Variants in PEBP4 observed in about 807,000 individuals in gnomAD.
The protein encoded by PEBP4 is phosphatidylethanolamine-binding protein 4.
A neutral mutation model predicts 23.9 loss-of-function variants in PEBP4; 22 were observed. That is an observed-to-expected ratio of 0.92 (90% CI 0.66 to 1.31). The LOEUF (loss-of-function observed/expected upper bound fraction) is 1.31. Among genes scored for constraint, PEBP4 ranks in the 40% most tolerant of loss-of-function variants. The pLI is 0.00. For missense variants in PEBP4, 324 were observed against 281.7 expected (o/e 1.15, Z -1.07); for synonymous variants, 112 against 99.3 (o/e 1.13, Z -0.76).
intron 3 of PEBP4, among the ~76,000 whole-genome samples, chr8:22,825,187 C>A (rs1429745522): frequency 1.3e-5 from 2 of 152,196 alleles, no homozygotes; most frequent in African/African-American, 4.8e-5. Flanking sequence ...TGCTTGTTCA[C>A]CAAAGAAAGT....
intron 5 of PEBP4, 42 bp from the exon 6 acceptor site, chr8:22,724,998 T>C (rs1339738629): frequency 2.6e-6 from 4 of 1,528,224 alleles, no homozygotes; most frequent in Non-Finnish European, 3.6e-6. Context: ...CAACATCCCA[T>C]ACTACCGAGG....
chr8:22,782,465 C>A (rs998392854), intron 4 of PEBP4, among the ~76,000 whole-genome samples: 2 of 152,142 alleles, frequency 1.3e-5, no homozygotes, highest in African/African-American at 4.8e-5. Context: ...AATACCCGAC[C>A]CATCCATTAG....
At chr8:22,874,967 G>A (rs956277506) in intron 3 of PEBP4, among the ~76,000 whole-genome samples, 2 of 151,692 alleles carry the variant, frequency 1.3e-5, no homozygotes, top group Non-Finnish European at 2.9e-5. Context: ...GTCCATTGGG[G>A]CTTTAAGAAA....
In PEBP4 at chr8:22,927,622, G is replaced by C. The variant is rs377109138; in HGVS notation, c.93C>G (p.Ala31=). 6.2e-7 allele frequency: 1 copy of C among 1,613,422 alleles called. No homozygotes were observed. The highest frequency in any genetic ancestry group is 8.5e-7 in the Non-Finnish European group (1 of 1,179,650). Residue 31 remains alanine (A), a synonymous_variant, in exon 2 of 7, where the codon GCC becomes GCG. Transcript: ENST00000256404. ...TGDEDENSPC[A]HEALLDEDTL... ...TGTCCTCGTCCAAGAGGGCCTCATG[G>C]GCACACGGGCTGTTCTCATCCTCGT...
At chr8:22,824,439 C>T (rs1235916173) in intron 3 of PEBP4, among the ~76,000 whole-genome samples, 1 of 152,196 alleles carries the variant, frequency 6.6e-6, no homozygotes, top group African/African-American at 2.4e-5. Flanking sequence ...TAGGACAGCG[C>T]TCCCCAATAT....
At chr8:22,938,010 T>G (rs902299591) in intron 1 of PEBP4, among the ~76,000 whole-genome samples, 3 of 152,132 alleles carry the variant, frequency 2.0e-5, no homozygotes, top group Non-Finnish European at 4.4e-5. Flanking sequence ...AAAATCTTCA[T>G]GACATTGGAT....
At chr8:22,928,323 T>C (rs1533066), upstream of PEBP4, among the ~76,000 whole-genome samples, 149,389 of 152,262 alleles carry the variant, frequency 0.98, 73,357 homozygotes, top group Middle Eastern at 1. Flanking sequence ...GGGGTGGGGG[T>C]AGGTGCACCC....
chr8:22,771,823 C>G (rs554754785), intron 4 of PEBP4, among the ~76,000 whole-genome samples: 1 of 152,244 alleles, frequency 6.6e-6, no homozygotes, highest in African/African-American at 2.4e-5. Context: ...CACCCTTTCC[C>G]TAGAAACTTC....
chr8:22,727,470 G>A (rs1357410175), intron 4 of PEBP4, among the ~76,000 whole-genome samples: 1 of 152,110 alleles, frequency 6.6e-6, no homozygotes, highest in African/African-American at 2.4e-5. Context: ...ACAGACACAC[G>A]TATTGCTGAG....
At chr8:22,727,244 T>A (rs139585593) in intron 4 of PEBP4, 24 bp from the exon 5 acceptor site, 523 of 1,611,960 alleles carry the variant, frequency 3.2e-4, no homozygotes, top group Middle Eastern at 2.5e-3. Flanking sequence ...CAAGCAGGGC[T>A]GTAGGTTATG....
At position 22,761,003 on chromosome 8, in the gene PEBP4, T is replaced by C. The variant is rs536592807; in HGVS notation, c.358-33783A>G. 4.6e-5 allele frequency among the ~76,000 whole-genome samples: 7 copies of C among 152,304 alleles called. No individual in the cohort carries two copies. In the East Asian group the frequency reaches 1.3e-3, roughly 29 times the overall value. ...ACCTTGTGACTCTGTCATAGTAGCC[T>C]GACTTCCCAGAGGAAGCGAGCTCTA... On this transcript the variant is annotated intron_variant, in intron 4 of 6. Coordinates refer to ENST00000256404, the MANE Select transcript of PEBP4 (RefSeq NM_144962.3).
intron 3 of PEBP4, among the ~76,000 whole-genome samples, chr8:22,888,498 A>C (rs1449078078): frequency 6.6e-6 from 1 of 152,158 alleles, no homozygotes; most frequent in Non-Finnish European, 1.5e-5. Flanking sequence ...GGCCCCTGCT[A>C]TGAGGGTGGG....
chr8:22,871,306 T>G (rs963397004), intron 3 of PEBP4, among the ~76,000 whole-genome samples: 1 of 152,118 alleles, frequency 6.6e-6, no homozygotes, highest in Non-Finnish European at 1.5e-5. Flanking sequence ...TGCACCCCCA[T>G]CACTGTTGTG....
intron 3 of PEBP4, among the ~76,000 whole-genome samples, chr8:22,825,360 A>G (rs1197361694): frequency 6.6e-6 from 1 of 152,220 alleles, no homozygotes; most frequent in Non-Finnish European, 1.5e-5. Context: ...ATGGCAGCCC[A>G]TTCTTTAAGC....
chr8:22,735,657 CTG>C (rs1424441626), intron 4 of PEBP4, among the ~76,000 whole-genome samples: 1 of 152,236 alleles, frequency 6.6e-6, no homozygotes, highest in East Asian at 1.9e-4. Flanking sequence ...TGATCAGTAA[CTG>C]TGTCCCAGGA....
chr8:22,937,123 G>A (rs879417876), intron 1 of PEBP4, among the ~76,000 whole-genome samples: 10 of 152,040 alleles, frequency 6.6e-5, no homozygotes, highest in Non-Finnish European at 1.3e-4. Context: ...AGAAATAAAA[G>A]GCATCCAAAT....
intron 4 of PEBP4, among the ~76,000 whole-genome samples, chr8:22,754,187 C>T (rs961543227): frequency 2.0e-5 from 3 of 152,138 alleles, no homozygotes; most frequent in South Asian, 2.1e-4. Flanking sequence ...TGGGAAGCTG[C>T]CCTAGACCCC....
At chr8:22,897,592 T>G (rs1056349798) in intron 3 of PEBP4, 1 of 152,206 alleles carries the variant, frequency 6.6e-6, no homozygotes, top group African/African-American at 2.4e-5. Flanking sequence ...TTCCATTTTA[T>G]AGTTGAGTAA....
At chr8:22,730,308 G>A (rs28495138) in intron 4 of PEBP4, among the ~76,000 whole-genome samples, 6,721 of 152,280 alleles carry the variant, frequency 0.044, 337 homozygotes, top group African/African-American at 0.12. Flanking sequence ...AGGCTGAGGC[G>A]GGTGGATTGC....
Sources: allele counts gnomAD v4.1 joint callset (sites outside exome capture counted in the v4.1 genomes callset), GRCh38; gene constraint gnomAD v4.1.1; transcripts MANE v1.5; gene names NCBI Gene and HGNC (gene_info 2026-07-23, HGNC 2026-07-21).